Variants in ELP4 observed in about 807,000 individuals in gnomAD.
The protein encoded by ELP4 is elongator complex protein 4.
ELP4 carries 51 observed loss-of-function variants against 48.9 expected under a neutral mutation model. That is an observed-to-expected ratio of 1.04 (90% CI 0.83 to 1.32). The LOEUF (loss-of-function observed/expected upper bound fraction) is 1.32, where lower values mean the gene tolerates loss of function less well. Ranked by LOEUF, ELP4 falls within the 40% of genes most tolerant of loss-of-function variation. The pLI, the probability that ELP4 is intolerant of heterozygous loss-of-function variation, is 0.00. For synonymous variants in ELP4, 210 were observed against 189.2 expected (o/e 1.11, Z -0.90); for missense variants, 519 against 514.6 (o/e 1.01, Z -0.08).
chr11:31,516,175 T>C (rs539293619), intron 1 of ELP4, among the ~76,000 whole-genome samples: 29 of 152,240 alleles, frequency 1.9e-4, no homozygotes, highest in South Asian at 6.2e-4. Context: ...AATTCCTTAT[T>C]TGAGGAGATG....
At chr11:31,631,525 TG>T (rs1163674385) in intron 6 of ELP4, among the ~76,000 whole-genome samples, 1 of 152,162 alleles carries the variant, frequency 6.6e-6, no homozygotes, top group Admixed American at 6.6e-5. Flanking sequence ...ACACATCTGT[TG>T]TTAAATGTTT....
chr11:31,571,717 G>A (rs1297813675), intron 3 of ELP4, among the ~76,000 whole-genome samples: 1 of 152,150 alleles, frequency 6.6e-6, no homozygotes, highest in Non-Finnish European at 1.5e-5. Flanking sequence ...GTGTTAGCAG[G>A]CATGAAAACA....
intron 9 of ELP4, chr11:31,653,812 A>G (rs1196950906): frequency 6.6e-6 from 1 of 151,770 alleles, no homozygotes; most frequent in Non-Finnish European, 1.5e-5. Context: ...CTTCCAAGCT[A>G]AAATAACTGG....
At chr11:31,580,389 A>C (rs960540254) in intron 3 of ELP4, among the ~76,000 whole-genome samples, 2 of 152,204 alleles carry the variant, frequency 1.3e-5, no homozygotes, top group Admixed American at 6.5e-5. Context: ...GTTCCTTTTA[A>C]TATTAATGTA....
At chr11:31,581,964 G>A (rs1034385881) in intron 3 of ELP4, among the ~76,000 whole-genome samples, 2 of 152,044 alleles carry the variant, frequency 1.3e-5, no homozygotes, top group Non-Finnish European at 2.9e-5. Flanking sequence ...GTTTTGCCCA[G>A]GCTGGTCTTA....
At chr11:31,766,087 T>C (rs1194299933) in intron 9 of ELP4, among the ~76,000 whole-genome samples, 2 of 152,038 alleles carry the variant, frequency 1.3e-5, no homozygotes, top group Non-Finnish European at 2.9e-5. Flanking sequence ...AAGTCTTTAA[T>C]TTAGAAAAAA....
intron 3 of ELP4, among the ~76,000 whole-genome samples, chr11:31,558,427 A>G (rs1956962511): frequency 6.6e-6 from 1 of 152,318 alleles, no homozygotes; most frequent in East Asian, 1.9e-4. Context: ...TTGCTGCTAT[A>G]TTAATATAAA....
intron 2 of ELP4, among the ~76,000 whole-genome samples, chr11:31,531,633 T>A (rs1246656612): frequency 1.3e-5 from 2 of 152,150 alleles, no homozygotes; most frequent in African/African-American, 4.8e-5. Context: ...CTGGAATTTA[T>A]GAAATATGGA....
intron 9 of ELP4, among the ~76,000 whole-genome samples, chr11:31,662,124 A>T (rs1945571187): frequency 6.6e-6 from 1 of 152,084 alleles, no homozygotes; most frequent in South Asian, 2.1e-4. Flanking sequence ...TATGTAGGAG[A>T]AAAGCTTTAC....
At chr11:31,746,302 A>T (rs1475812983) in intron 9 of ELP4, among the ~76,000 whole-genome samples, 1 of 152,214 alleles carries the variant, frequency 6.6e-6, no homozygotes, top group Non-Finnish European at 1.5e-5. Flanking sequence ...ACTGTAAACT[A>T]GTTCAACCAT....
At chr11:31,742,623 A>G (rs2134222735) in intron 9 of ELP4, among the ~76,000 whole-genome samples, 1 of 152,344 alleles carries the variant, frequency 6.6e-6, no homozygotes, top group African/African-American at 2.4e-5. Flanking sequence ...AGAATTTTCA[A>G]CCCAGAATCT....
chr11:31,641,854 A>G (rs1236679177), intron 7 of ELP4, among the ~76,000 whole-genome samples: 2 of 151,968 alleles, frequency 1.3e-5, no homozygotes, highest in African/African-American at 4.8e-5. Context: ...CTGCTACTGC[A>G]TCACAAACAT....
intron 9 of ELP4, among the ~76,000 whole-genome samples, chr11:31,694,236 C>T (rs1946349426): frequency 6.6e-6 from 1 of 152,082 alleles, no homozygotes; most frequent in Non-Finnish European, 1.5e-5. Flanking sequence ...AAGTCCTTGC[C>T]CATGCCTATG....
rs1945918206 is a variant in ELP4 at position 31,675,959 on chromosome 11, C to G, written c.1143+25738C>G. Among the ~76,000 whole-genome samples, 3 of 152,238 alleles carry G rather than the reference C, an allele frequency of 2.0e-5. No individual in the cohort carries two copies. The South Asian group carries it at 6.2e-4, about 32-fold the overall frequency. Reference sequence around the variant, plus strand: ...TGACCTCCTTCAGTCTGTTCTCATACAGTAGCCAAGAGGATGATTCTTTTA... The same window carrying G: ...TGACCTCCTTCAGTCTGTTCTCATAGAGTAGCCAAGAGGATGATTCTTTTA... On this transcript the variant is annotated intron_variant, in intron 9 of 9. Transcript: ENST00000640961.
In ELP4 at chr11:31,647,824, T is replaced by C. The variant is rs756234913; in HGVS notation, c.1011T>C (p.Thr337=). The C allele has an allele frequency of 1.5e-5, 24 of 1,601,068 alleles. No individual in the cohort carries two copies. The highest frequency in any genetic ancestry group is 1.7e-4 in the Middle Eastern group (1 of 6,016). The part of the protein sequence containing the change: ...LESFIGSERE[T]NPLYKDYHGL... The stretch of plus-strand genomic sequence containing the variant: ...CATTTATTGGTTCTGAGAGAGAAAC[T>C]AACCCATTGTATAAGGATTATCATG... The change falls in exon 8 of 10, where the codon ACT becomes ACC. Residue 337 remains threonine (T), a synonymous_variant. Coordinates refer to ENST00000640961, the MANE Select transcript of ELP4 (RefSeq NM_019040.5).
At chr11:31,575,409 G>A (rs992548036) in intron 3 of ELP4, among the ~76,000 whole-genome samples, 7 of 152,174 alleles carry the variant, frequency 4.6e-5, no homozygotes, top group Non-Finnish European at 8.8e-5. Flanking sequence ...AGCAAGGCAG[G>A]CCAACATTCA....
intron 4 of ELP4, among the ~76,000 whole-genome samples, chr11:31,595,599 A>C (rs1419447506): frequency 4.6e-5 from 7 of 152,178 alleles, no homozygotes; most frequent in African/African-American, 1.7e-4. Context: ...ATCTTTCCCA[A>C]GGATAGAAAT....
At chr11:31,598,503 C>CTTTTTTTTTTTTTTTTTTT (rs10702222) in intron 4 of ELP4, among the ~76,000 whole-genome samples, 3 of 77,740 alleles carry the variant, frequency 3.9e-5, no homozygotes, top group African/African-American at 5.2e-5. Context: ...TTTTCTTCTT[C>CTTTTTTTTTTTTTTTTTTT]TTTTTTTTTT....
rs573530691 is a variant in ELP4 at position 31,606,100 on chromosome 11, C to T, written c.653+2193C>T. ...TTTTGTAAGAACTAGCAGTTTCGCACAGAATAGGAAAATTTATAGATTTTA... is the reference window on the plus strand; with the variant it reads ...TTTTGTAAGAACTAGCAGTTTCGCATAGAATAGGAAAATTTATAGATTTTA... On this transcript the variant is annotated intron_variant, in intron 5 of 9. Transcript: ENST00000640961. Among the ~76,000 whole-genome samples, 5 of 152,128 alleles carry T rather than the reference C, an allele frequency of 3.3e-5. No individual in the cohort carries two copies. The East Asian group carries it at 7.7e-4, about 23-fold the overall frequency.
Sources: allele counts gnomAD v4.1 joint callset (sites outside exome capture counted in the v4.1 genomes callset), GRCh38; gene constraint gnomAD v4.1.1; transcripts MANE v1.5; gene names NCBI Gene and HGNC (gene_info 2026-07-23, HGNC 2026-07-21).